SBNO2: variants seen among roughly 807,000 people sequenced by gnomAD.
SBNO2 encodes strawberry notch homolog 2.
SBNO2 carries 89 observed loss-of-function variants against 146.3 expected under a neutral mutation model. The ratio of observed to expected loss-of-function variants is 0.61; its 90% CI spans 0.51 to 0.73. The LOEUF is 0.73. SBNO2 is among the 30% of genes least tolerant of loss of function. The pLI is 0.00. For missense variants in SBNO2, 2,092 were observed against 2,003.7 expected, an observed-to-expected ratio of 1.04 and a Z score of -0.84; for synonymous variants, 1,147 against 892.6, an observed-to-expected ratio of 1.29 and a Z score of -5.08.
intron 1 of SBNO2, among the ~76,000 whole-genome samples, chr19:1,155,431 G>T (rs1339907172): frequency 6.6e-6 from 1 of 152,202 alleles, no homozygotes; most frequent in Non-Finnish European, 1.5e-5. Context: ...CGCGGCCTCT[G>T]CCTGCTCCCT....
In SBNO2 at chr19:1,127,602, A is replaced by T; in HGVS notation, c.441+2T>A. On this transcript the variant is annotated splice_donor_variant, in intron 5 of 31. Transcript: ENST00000361757. LOFTEE classifies it high-confidence loss of function. ...CTGGCTGGGGGCACCGGGCGCACTG[A>T]CCTTATCGTGGGTGGAGGGGGCAGG... 1.2e-6 allele frequency: 2 copies of T among 1,611,722 alleles called. No individual in the cohort carries two copies. Among genetic ancestry groups the T allele is most frequent in the Non-Finnish European group, 8.5e-7 (1 of 1,179,636 alleles).
intron 1 of SBNO2, among the ~76,000 whole-genome samples, chr19:1,167,638 C>T (rs994291689): frequency 2.0e-5 from 3 of 152,190 alleles, no homozygotes; most frequent in African/African-American, 4.8e-5. Flanking sequence ...ACATTTGTGA[C>T]GATGCCGGGA....
At chr19:1,130,365 G>A (rs748739219) in intron 4 of SBNO2, among the ~76,000 whole-genome samples, 2 of 152,226 alleles carry the variant, frequency 1.3e-5, no homozygotes, top group Non-Finnish European at 2.9e-5. Flanking sequence ...CGGGCAGGGG[G>A]GAGCTCACGT....
chr19:1,111,515 A>G lies in SBNO2; in HGVS notation c.2800T>C (p.Phe934Leu). Residue 934 changes from phenylalanine to leucine, a missense_variant, in exon 24 of 32, where the codon TTC becomes CTC. Coordinates refer to ENST00000361757, the MANE Select transcript of SBNO2 (RefSeq NM_014963.3). ...CACCAGCCCAGCTTACCCCGGAAGAAGGTGGGGACCCCTCCAGGGTATCCC... is the reference window on the plus strand; with the variant it reads ...CACCAGCCCAGCTTACCCCGGAAGAGGGTGGGGACCCCTCCAGGGTATCCC... Reference protein sequence around the residue: ...PQGYPGGVPTFFRDMKQGLLS... With the variant: ...PQGYPGGVPTLFRDMKQGLLS... The G allele has an allele frequency of 6.3e-7, 1 of 1,577,972 alleles. No homozygotes were observed. Among genetic ancestry groups the G allele is most frequent in the South Asian group, 1.2e-5 (1 of 85,942 alleles).
intron 31 of SBNO2, 21 bp downstream of exon 31, chr19:1,108,756 CGG>C: frequency 6.3e-7 from 1 of 1,594,988 alleles, no homozygotes; most frequent in South Asian, 1.1e-5. Context: ...CGGGCCTTCC[CGG>C]GGCGCCCGCC....
chr19:1,149,347 C>A lies in SBNO2; in HGVS notation c.167+22G>T, dbSNP rs199741886. The A allele has an allele frequency of 5.1e-4, 786 of 1,547,920 alleles. 6 individuals are homozygous for A. The East Asian group carries it at 0.014, about 28-fold the overall frequency. ...AGAATGAGCAAGCCTGGGGGCCAGG[C>A]GGGGAGGGTCCCGGTACTCACCGGC... On this transcript the variant is annotated intron_variant, in intron 3 of 31. Coordinates refer to ENST00000361757, the MANE Select transcript of SBNO2 (RefSeq NM_014963.3).
At chr19:1,125,157 C>T (rs1338861330) in intron 5 of SBNO2, among the ~76,000 whole-genome samples, 1 of 149,804 alleles carries the variant, frequency 6.7e-6, no homozygotes, top group Non-Finnish European at 1.5e-5. Flanking sequence ...TCGAGACCAG[C>T]CTGGCCAGCA....
In SBNO2 at chr19:1,166,138, C is replaced by T. The variant is rs1036332769; in HGVS notation, c.-127+8034G>A. On this transcript the variant is annotated intron_variant, in intron 1 of 31. Transcript: ENST00000361757. ...AGACCCCAGATCCCAGACTTCAGAT[C>T]CCCAGACCCCAGATCCCAGACTTCA... Among the ~76,000 whole-genome samples, 7 of 62,942 alleles carry T rather than the reference C, an allele frequency of 1.1e-4. 1 individual carries two copies. In the South Asian group the frequency reaches 3.7e-3, roughly 34 times the overall value. 41.3% of individuals were successfully genotyped at this position (62,942 alleles called of 152,430 possible).
rs546880504 is a variant in SBNO2, at chr19:1,159,211, G to C, written c.-126-4809C>G. 3.3e-5 allele frequency among the ~76,000 whole-genome samples: 5 copies of C among 152,114 alleles called. No homozygotes were observed. The South Asian group carries it at 1.0e-3, about 32-fold the overall frequency. On this transcript the variant is annotated intron_variant, in intron 1 of 31. Coordinates refer to ENST00000361757, the MANE Select transcript of SBNO2 (RefSeq NM_014963.3). ...CCGGGTGCAGGGGGCGGGGGCTGGC[G>C]ATTTCACAAGGCTCAGCTAATATGG...
At position 1,119,001 on chromosome 19, in the gene SBNO2, G is replaced by A. The variant is rs544579208; in HGVS notation, c.1527+10C>T. On this transcript the variant is annotated intron_variant, in intron 14 of 31. Coordinates refer to ENST00000361757, the MANE Select transcript of SBNO2 (RefSeq NM_014963.3). ...GCACAGGGGTCCCCGGGTCGGGTGC[G>A]CAGGCTCACCAGCAGGGCCGCGCGG... 6.3e-6 allele frequency: 10 copies of A among 1,575,808 alleles called. No homozygotes were observed. Among genetic ancestry groups the A allele is most frequent in the East Asian group, 4.6e-5 (2 of 43,706 alleles).
intron 4 of SBNO2, chr19:1,132,055 C>G: frequency 6.7e-7 from 1 of 1,490,906 alleles, no homozygotes; most frequent in Non-Finnish European, 9.0e-7. Context: ...CCCCTGCCCC[C>G]GAGGGCCTCG....
At chr19:1,123,151 G>A in intron 7 of SBNO2, 106 bp from the exon 8 acceptor site, 1 of 1,323,078 alleles carries the variant, frequency 7.6e-7, no homozygotes, top group South Asian at 1.3e-5. Flanking sequence ...AGCTGGCGGG[G>A]CAGTTTGGGG....
At chr19:1,133,638 G>C (rs1218276518) in intron 4 of SBNO2, among the ~76,000 whole-genome samples, 1 of 152,158 alleles carries the variant, frequency 6.6e-6, no homozygotes, top group African/African-American at 2.4e-5. Context: ...CCGCCTGCCA[G>C]GCACCCCGCC....
At chr19:1,132,175 C>G in intron 4 of SBNO2, 5 of 1,433,212 alleles carry the variant, frequency 3.5e-6, no homozygotes, top group Non-Finnish European at 2.7e-6. Context: ...CCAGGAAGCG[C>G]TGCCCGGGAG....
At chr19:1,121,286 C>T (rs10411806) in intron 11 of SBNO2, among the ~76,000 whole-genome samples, 4,999 of 152,284 alleles carry the variant, frequency 0.033, 279 homozygotes, top group African/African-American at 0.11. Flanking sequence ...CCGGCCCTGC[C>T]GCCACGTAGC....
At chr19:1,120,423 G>C (rs1033504932) in intron 11 of SBNO2, among the ~76,000 whole-genome samples, 4 of 152,220 alleles carry the variant, frequency 2.6e-5, no homozygotes, top group Non-Finnish European at 5.9e-5. Flanking sequence ...CTGGAGTGCA[G>C]TGATACAATG....
At chr19:1,130,232 C>T (rs751871653) in intron 4 of SBNO2, among the ~76,000 whole-genome samples, 1 of 152,146 alleles carries the variant, frequency 6.6e-6, no homozygotes, top group Non-Finnish European at 1.5e-5. Flanking sequence ...GTTCATCAGC[C>T]GTGACAGCCA....
At chr19:1,133,211 G>T (rs1381956287) in intron 4 of SBNO2, among the ~76,000 whole-genome samples, 1 of 152,114 alleles carries the variant, frequency 6.6e-6, no homozygotes, top group African/African-American at 2.4e-5. Flanking sequence ...GGCAGAGGCC[G>T]CATTGCCCAC....
At position 1,136,552 on chromosome 19, in the gene SBNO2, G is replaced by A. The variant is rs2080086269; in HGVS notation, c.280-8787C>T. On this transcript the variant is annotated intron_variant, in intron 4 of 31. Transcript: ENST00000361757. The surrounding 1 kb of genome is among the most constrained non-coding windows in gnomAD (Gnocchi z 4.2). The stretch of plus-strand genomic sequence containing the variant: ...CCGGGGGGGCTGTGGCCTCAGCACA[G>A]ACCAGGGGACAGAAGGTGGCTCTTC... Among the ~76,000 whole-genome samples the A allele has an allele frequency of 6.6e-6, 1 of 152,230 alleles. No individual in the cohort carries two copies. Among genetic ancestry groups the A allele is most frequent in the African/African-American group, 2.4e-5 (1 of 41,466 alleles).
Sources: allele counts gnomAD v4.1 joint callset (sites outside exome capture counted in the v4.1 genomes callset), GRCh38; gene constraint gnomAD v4.1.1; non-coding constraint Gnocchi (gnomAD v3.1); transcripts MANE v1.5; gene names NCBI Gene and HGNC (gene_info 2026-07-23, HGNC 2026-07-21).